ABCA1: variants seen among roughly 807,000 people sequenced by gnomAD.
The protein encoded by ABCA1 is phospholipid-transporting ATPase ABCA1.
In ABCA1, 133 loss-of-function variants were observed where a neutral mutation model predicts 262.5. The observed-to-expected ratio is 0.51, with a 90% CI of 0.44 to 0.59. The LOEUF (loss-of-function observed/expected upper bound fraction) is 0.59. ABCA1 is among the 20% of genes least tolerant of loss of function. ABCA1 has a pLI of 0.00. For synonymous variants in ABCA1, 1,022 were observed against 1,043.5 expected (o/e 0.98, Z 0.40); for missense variants, 2,452 against 2,777.5 (o/e 0.88, Z 2.63).
chr9:104,794,551 G>T, intron 39 of ABCA1, 41 bp from the exon 40 acceptor site: 1 of 1,592,612 alleles, frequency 6.3e-7, no homozygotes, highest in East Asian at 2.2e-5. Flanking sequence ...GGGAGGGTGA[G>T]GGAGAAGAAA....
chr9:104,823,777 T>C (rs142171081), intron 18 of ABCA1, among the ~76,000 whole-genome samples: 5 of 152,144 alleles, frequency 3.3e-5, no homozygotes, highest in Non-Finnish European at 7.4e-5. Flanking sequence ...AAACAGGAGC[T>C]AGGTGTAAAG....
chr9:104,838,874 T>C (rs1181915927), intron 9 of ABCA1, among the ~76,000 whole-genome samples: 1 of 152,062 alleles, frequency 6.6e-6, no homozygotes, highest in Non-Finnish European at 1.5e-5. Flanking sequence ...GAAGGCTTCC[T>C]TGGGTCAACT....
intron 4 of ABCA1, among the ~76,000 whole-genome samples, chr9:104,883,664 G>C (rs1047539424): frequency 6.6e-6 from 1 of 150,526 alleles, no homozygotes; most frequent in African/African-American, 2.4e-5. Flanking sequence ...ATTTGTGTAT[G>C]GAAGGGGCCC....
intron 7 of ABCA1, 116 bp from the exon 8 acceptor site, chr9:104,845,685 C>T (rs190518096): frequency 6.8e-6 from 5 of 732,430 alleles, no homozygotes; most frequent in Middle Eastern, 3.4e-4. Flanking sequence ...AACAAGAAAC[C>T]GACTCCTAAC....
At chr9:104,867,143 C>G (rs1039620330) in intron 5 of ABCA1, among the ~76,000 whole-genome samples, 12 of 152,270 alleles carry the variant, frequency 7.9e-5, no homozygotes, top group Admixed American at 5.2e-4. Flanking sequence ...GTAAAGAGGA[C>G]ACAAGAGTTC....
intron 30 of ABCA1, among the ~76,000 whole-genome samples, chr9:104,808,835 C>T (rs905059546): frequency 6.6e-6 from 1 of 152,192 alleles, no homozygotes; most frequent in African/African-American, 2.4e-5. Flanking sequence ...CCACCTCTAC[C>T]AGCCTTGAGC....
At chr9:104,803,510 A>G (rs188061624) in intron 32 of ABCA1, among the ~76,000 whole-genome samples, 194 bp from the exon 33 acceptor site, 3 of 152,332 alleles carry the variant, frequency 2.0e-5, no homozygotes, top group Admixed American at 2.0e-4. Flanking sequence ...TCTCCATCAT[A>G]AATACCCTAT....
chr9:104,927,536 C>G (rs1452361508), intron 1 of ABCA1: 1 of 152,392 alleles, frequency 6.6e-6, no homozygotes, highest in Non-Finnish European at 1.5e-5. Flanking sequence ...GACCTGCAAC[C>G]AGAAGGGTTT....
chr9:104,831,097 A>G lies in ABCA1; in HGVS notation c.1720T>C (p.Trp574Arg). 6.2e-6 allele frequency: 10 copies of G among 1,609,752 alleles called. No homozygotes were observed. The highest frequency in any genetic ancestry group is 8.5e-6 in the Non-Finnish European group (10 of 1,178,616). The change falls in exon 14 of 50, where the codon TGG (tryptophan) becomes CGG (arginine). Residue 574 changes from tryptophan (W) to arginine (R), a missense_variant. Transcript: ENST00000374736. Reference protein sequence around the residue: ...ERTNKIKDGYWDPGPRADPFE... With the variant: ...ERTNKIKDGYRDPGPRADPFE... Reference sequence around the variant, plus strand: ...GGGTCAGCTCGAGGACCAGGGTCCCAGTACCTAAAACCAAACCACAGGTAA... The same window carrying G: ...GGGTCAGCTCGAGGACCAGGGTCCCGGTACCTAAAACCAAACCACAGGTAA...
intron 1 of ABCA1, among the ~76,000 whole-genome samples, chr9:104,913,967 T>C (rs910045425): frequency 1.3e-5 from 2 of 151,556 alleles, no homozygotes; most frequent in African/African-American, 2.4e-5. Context: ...GCCCGGCTAA[T>C]TTTTTGTATT....
intron 39 of ABCA1, 67 bp from the exon 40 acceptor site, chr9:104,794,577 G>A (rs1829727668): frequency 1.9e-6 from 3 of 1,557,896 alleles, no homozygotes; most frequent in Non-Finnish European, 2.6e-6. Flanking sequence ...GTCATTCATG[G>A]TTTATCCTAA....
intron 5 of ABCA1, among the ~76,000 whole-genome samples, chr9:104,862,405 G>A (rs557839360): frequency 5.9e-4 from 55 of 93,526 alleles, no homozygotes; most frequent in Admixed American, 3.9e-3. Context: ...CACCATGCCC[G>A]GTCTTTCTCT....
chr9:104,802,251 A>G, intron 33 of ABCA1, 92 bp from the exon 34 acceptor site: 2 of 1,188,916 alleles, frequency 1.7e-6, no homozygotes, highest in Non-Finnish European at 2.5e-6. Flanking sequence ...AGGTTCACTG[A>G]GTCAAATTCC....
At chr9:104,812,793 GGTGTCTTCAACAACTATCTT>G in intron 27 of ABCA1, 71 bp from the exon 28 acceptor site, 1 of 1,590,798 alleles carries the variant, frequency 6.3e-7, no homozygotes, top group Non-Finnish European at 8.6e-7. Flanking sequence ...TCCTTCTTCT[GGTGTCTTCAACAACTATCTT>G]GAAGGCATGT....
chr9:104,807,125 G>T (rs1830836553), intron 30 of ABCA1, among the ~76,000 whole-genome samples: 1 of 152,188 alleles, frequency 6.6e-6, no homozygotes, highest in Non-Finnish European at 1.5e-5. Context: ...AATGATAAAG[G>T]AGGAGGAGAG....
At position 104,816,208 on chromosome 9, in the gene ABCA1, T is replaced by A; in HGVS notation, c.3673A>T (p.Ile1225Phe). Residue 1225 changes from isoleucine (I) to phenylalanine (F), a missense_variant, in exon 25 of 50, where the codon ATT becomes TTT. This residue lies in a region of ABCA1 where 665 missense variants were observed against 727.3 expected (regional missense o/e 0.91). Coordinates refer to ENST00000374736, the MANE Select transcript of ABCA1 (RefSeq NM_005502.4). The stretch of plus-strand genomic sequence containing the variant: ...CCCAGGTCTGAGAGCCGGTCATCAA[T>A]CTCATGAAAGAGTTCCACAAAGGCT... Reference protein sequence around the residue: ...EGAFVELFHEIDDRLSDLGIS... With the variant: ...EGAFVELFHEFDDRLSDLGIS... 1.2e-6 allele frequency: 2 copies of A among 1,614,134 alleles called. No individual in the cohort carries two copies. Among genetic ancestry groups the A allele is most frequent in the Non-Finnish European group, 1.7e-6 (2 of 1,180,026 alleles).
At chr9:104,862,229 G>A (rs374536819) in intron 5 of ABCA1, among the ~76,000 whole-genome samples, 2 of 151,728 alleles carry the variant, frequency 1.3e-5, no homozygotes, top group Non-Finnish European at 2.9e-5. Flanking sequence ...TCAGCCTCCC[G>A]AGTAGCTGGG....
chr9:104,786,298 C>G lies in ABCA1; in HGVS notation c.6401G>C (p.Arg2134Thr). The G allele has an allele frequency of 6.2e-7, 1 of 1,612,186 alleles. No homozygotes were observed. The highest frequency in any genetic ancestry group is 1.1e-5 in the South Asian group (1 of 91,036). ...ATCCCAAAGAAATTATCTTTATTACCTATTTTTTAGATGCTGGACACTGCC... is the reference window on the plus strand; with the variant it reads ...ATCCCAAAGAAATTATCTTTATTACGTATTTTTTAGATGCTGGACACTGCC... ...CLGSVQHLKN[R>T]FGDGYTIVVR... Residue 2134 changes from arginine to threonine, a missense_variant and splice_region_variant, in exon 48 of 50, where the codon AGG becomes ACG. This residue lies in a region of ABCA1 where 752 missense variants were observed against 944.5 expected (regional missense o/e 0.80). Coordinates refer to ENST00000374736, the MANE Select transcript of ABCA1 (RefSeq NM_005502.4).
At chr9:104,819,837 T>C in intron 21 of ABCA1, 90 bp downstream of exon 21, 1 of 1,609,272 alleles carries the variant, frequency 6.2e-7, no homozygotes, top group Non-Finnish European at 8.5e-7. Context: ...GCACCCAGCC[T>C]GGGACCCTGG....
Sources: gnomAD v4.1 joint callset for allele counts (sites outside exome capture counted in the v4.1 genomes callset) on GRCh38, gnomAD v4.1.1 for gene constraint, gnomAD v4.1.1 regional missense constraint, MANE v1.5 for transcripts, NCBI Gene and HGNC (gene_info 2026-07-23, HGNC 2026-07-21) for gene names.